The following MYO6 variants were observed in gnomAD, a reference collection of about 807,000 sequenced individuals.
The protein encoded by MYO6 is myosin VI.
MYO6 carries 74 observed loss-of-function variants against 178.7 expected under a neutral mutation model. That is an observed-to-expected ratio of 0.41 (90% CI 0.34 to 0.50). The LOEUF is 0.50. Among genes scored for constraint, MYO6 ranks in the 20% least tolerant of loss-of-function variants. MYO6 has a pLI of 0.09. For missense variants in MYO6, 1,330 were observed against 1,547.4 expected (o/e 0.86, Z 2.36); for synonymous variants, 477 against 504.6 (o/e 0.95, Z 0.73).
chr6:75,904,050 T>G (rs1474558566), intron 30 of MYO6, among the ~76,000 whole-genome samples: 2 of 152,218 alleles, frequency 1.3e-5, no homozygotes, highest in Non-Finnish European at 1.5e-5. Context: ...ATGTTGAATA[T>G]TGGCCCCAAC....
At chr6:75,872,575 G>GA (rs764347969) in intron 19 of MYO6, among the ~76,000 whole-genome samples, 1 of 151,798 alleles carries the variant, frequency 6.6e-6, no homozygotes, top group Non-Finnish European at 1.5e-5. Context: ...TTTAAATATA[G>GA]AAAAAAATCA....
At chr6:75,822,971 G>C in intron 3 of MYO6, 120 bp downstream of exon 3, 1 of 782,238 alleles carries the variant, frequency 1.3e-6, no homozygotes. Flanking sequence ...CTAGTCTTTT[G>C]ACATGAATAT....
intron 1 of MYO6, among the ~76,000 whole-genome samples, chr6:75,762,529 G>A (rs992222804): frequency 4.3e-4 from 66 of 152,144 alleles, no homozygotes; most frequent in African/African-American, 1.5e-3. Context: ...AAATCAAAGA[G>A]TTAATCTTTT....
intron 10 of MYO6, among the ~76,000 whole-genome samples, chr6:75,846,367 G>A (rs974599644): frequency 1.3e-5 from 2 of 151,864 alleles, no homozygotes; most frequent in Non-Finnish European, 2.9e-5. Flanking sequence ...ACATTTGTAA[G>A]CCCGATATTT....
chr6:75,770,673 C>T (rs1405132036), intron 1 of MYO6, among the ~76,000 whole-genome samples: 4 of 152,144 alleles, frequency 2.6e-5, no homozygotes, highest in Non-Finnish European at 4.4e-5. Flanking sequence ...CATGGGGCTT[C>T]GCCATGTTAA....
At position 75,857,262 on chromosome 6, in the gene MYO6, G is replaced by A; in HGVS notation, c.1381+8G>A. The A allele has an allele frequency of 6.2e-7, 1 of 1,612,018 alleles. No individual in the cohort carries two copies. Among genetic ancestry groups the A allele is most frequent in the Non-Finnish European group, 8.5e-7 (1 of 1,178,280 alleles). ...TAGATATTGCTGGTTTTGGTAAGTA[G>A]AGTTTCTTTTGTGAGTATATATTTG... On this transcript the variant is annotated splice_region_variant and intron_variant, in intron 13 of 34. Coordinates refer to ENST00000369977, the MANE Select transcript of MYO6 (RefSeq NM_004999.4).
chr6:75,895,200 C>A (rs376649049), intron 28 of MYO6, 31 bp from the exon 29 acceptor site: 1 of 1,554,252 alleles, frequency 6.4e-7, no homozygotes, highest in Admixed American at 1.7e-5. Flanking sequence ...CAATTGGTTA[C>A]GATATTAACT....
intron 2 of MYO6, among the ~76,000 whole-genome samples, chr6:75,821,519 A>G (rs2150180986): frequency 6.6e-6 from 1 of 152,222 alleles, no homozygotes; most frequent in African/African-American, 2.4e-5. Flanking sequence ...GTTCCAAGTA[A>G]TTAACTTCCA....
intron 18 of MYO6, chr6:75,867,586 C>G (rs1776801063): frequency 1.3e-5 from 2 of 156,112 alleles, no homozygotes; most frequent in South Asian, 3.9e-4. Flanking sequence ...AAGAGCCCAT[C>G]TGAAGTTAAT....
intron 1 of MYO6, among the ~76,000 whole-genome samples, chr6:75,794,224 A>G (rs1484027901): frequency 6.6e-6 from 1 of 152,222 alleles, no homozygotes; most frequent in Non-Finnish European, 1.5e-5. Context: ...TAGACCTCAG[A>G]AGGCAAGAAC....
chr6:75,875,244 G>A (rs776084409), intron 20 of MYO6, among the ~76,000 whole-genome samples: 3 of 152,178 alleles, frequency 2.0e-5, no homozygotes, highest in Middle Eastern at 3.2e-3. Flanking sequence ...GAATGAGTGA[G>A]TTACTAAATT....
At chr6:75,863,988 CAGACA>C (rs1776433151) in intron 16 of MYO6, among the ~76,000 whole-genome samples, 1 of 152,112 alleles carries the variant, frequency 6.6e-6, no homozygotes, top group Non-Finnish European at 1.5e-5. Context: ...CTGGCTAGCA[CAGACA>C]ATGTGCTAGC....
intron 30 of MYO6, among the ~76,000 whole-genome samples, chr6:75,904,287 T>A (rs1024990751): frequency 1.3e-5 from 2 of 150,428 alleles, no homozygotes; most frequent in Non-Finnish European, 3.0e-5. Context: ...CTTGCTAGAT[T>A]GGGTAAGTTC....
At chr6:75,829,031 T>C (rs1420891939) in intron 4 of MYO6, among the ~76,000 whole-genome samples, 1 of 152,066 alleles carries the variant, frequency 6.6e-6, no homozygotes, top group African/African-American at 2.4e-5. Context: ...GAATGTATAT[T>C]GAAATTAAAA....
chr6:75,832,450 A>T (rs1406636344), intron 5 of MYO6, among the ~76,000 whole-genome samples: 2 of 152,062 alleles, frequency 1.3e-5, no homozygotes, highest in East Asian at 3.8e-4. Context: ...TGGTTGCTAG[A>T]TTTCTTAATT....
chr6:75,774,612 TA>T (rs1213379064), intron 1 of MYO6, among the ~76,000 whole-genome samples: 1 of 152,094 alleles, frequency 6.6e-6, no homozygotes, highest in Non-Finnish European at 1.5e-5. Flanking sequence ...TTCTTACCTT[TA>T]AAAAAGTAGC....
chr6:75,791,867 AT>A (rs34667918), intron 1 of MYO6, among the ~76,000 whole-genome samples: 1 of 152,194 alleles, frequency 6.6e-6, no homozygotes, highest in Admixed American at 6.5e-5. Flanking sequence ...TACTTGAATC[AT>A]TTTTTTGGAA....
intron 18 of MYO6, among the ~76,000 whole-genome samples, chr6:75,868,514 CT>C (rs1449124027): frequency 6.6e-6 from 1 of 151,920 alleles, no homozygotes; most frequent in African/African-American, 2.4e-5. Context: ...ATTACATAAT[CT>C]TTTATGTTGA....
intron 2 of MYO6, among the ~76,000 whole-genome samples, chr6:75,822,270 G>T (rs2150183502): frequency 6.6e-6 from 1 of 151,828 alleles, no homozygotes; most frequent in East Asian, 1.9e-4. Flanking sequence ...GCTAATTTTT[G>T]TATTTTTAGT....
Sources: allele counts gnomAD v4.1 joint callset (sites outside exome capture counted in the v4.1 genomes callset), GRCh38; gene constraint gnomAD v4.1.1; transcripts MANE v1.5; gene names NCBI Gene and HGNC (gene_info 2026-07-23, HGNC 2026-07-21).